SYT1: variants seen among roughly 807,000 people sequenced by gnomAD.
The protein encoded by SYT1 is synaptotagmin-1.
A neutral mutation model predicts 44.8 loss-of-function variants in SYT1; 8 were observed. The ratio of observed to expected loss-of-function variants is 0.18; its 90% CI spans 0.10 to 0.32. SYT1 has a LOEUF of 0.32. SYT1 is among the 10% of genes least tolerant of loss of function. SYT1 has a pLI of 1.00. For synonymous variants in SYT1, 154 were observed against 188.8 expected, an observed-to-expected ratio of 0.82 and a Z score of 1.51; for missense variants, 286 against 509.3, an observed-to-expected ratio of 0.56 and a Z score of 4.22.
chr12:79,191,100 A>AATATAT (rs35534550), intron 3 of SYT1, among the ~76,000 whole-genome samples: 8 of 149,800 alleles, frequency 5.3e-5, no homozygotes, highest in African/African-American at 9.8e-5. Flanking sequence ...CATAAATATA[A>AATATAT]ATATATATAT....
At position 79,391,669 on chromosome 12, in the gene SYT1, G is replaced by T. The variant is rs180910892; in HGVS notation, c.928+38050G>T. 1.7e-3 allele frequency among the ~76,000 whole-genome samples: 257 copies of T among 152,254 alleles called. No homozygotes were observed. In the Middle Eastern group the frequency reaches 0.017, roughly 10 times the overall value. On this transcript the variant is annotated intron_variant, in intron 9 of 10. Coordinates refer to ENST00000261205, the MANE Select transcript of SYT1 (RefSeq NM_005639.3). ...ATTATCTTTTGTAATCATTGAAATA[G>T]AATTTTTAGTTGATTCCCGCCCCCC...
At chr12:79,061,268 C>T (rs76538694) in intron 3 of SYT1, among the ~76,000 whole-genome samples, 4,357 of 151,990 alleles carry the variant, frequency 0.029, 194 homozygotes, top group African/African-American at 0.098. Context: ...TCCTTATGTG[C>T]TAACCAATAA....
intron 4 of SYT1, among the ~76,000 whole-genome samples, chr12:79,249,088 CTTTTTTTTTTTTT>C (rs58983623): frequency 5.6e-5 from 4 of 71,816 alleles, no homozygotes; most frequent in Non-Finnish European, 7.2e-5. Flanking sequence ...TTACCTCTTT[CTTTTTTTTTTTTT>C]TTTTTTTTTT....
At chr12:79,304,584 T>C (rs569426063) in intron 8 of SYT1, among the ~76,000 whole-genome samples, 2 of 152,318 alleles carry the variant, frequency 1.3e-5, no homozygotes, top group South Asian at 4.1e-4. Flanking sequence ...TTTTTCATCC[T>C]GTTTCCATAA....
At chr12:79,100,158 G>A (rs1013815661) in intron 3 of SYT1, among the ~76,000 whole-genome samples, 7 of 152,038 alleles carry the variant, frequency 4.6e-5, no homozygotes, top group Non-Finnish European at 8.8e-5. Flanking sequence ...GTTTTAAGGA[G>A]GAGTTCGTTA....
At chr12:78,960,511 T>C (rs1188036707) in intron 1 of SYT1, 1 of 152,208 alleles carries the variant, frequency 6.6e-6, no homozygotes, top group African/African-American at 2.4e-5. Context: ...TTAGCATGAA[T>C]GAAACCATTT....
intron 1 of SYT1, among the ~76,000 whole-genome samples, chr12:78,895,125 T>A (rs1875287183): frequency 6.6e-6 from 1 of 151,572 alleles, no homozygotes; most frequent in South Asian, 2.1e-4. Flanking sequence ...TCCGTTGAGG[T>A]TTTCCATACC....
At chr12:78,887,787 A>G (rs993047866) in intron 1 of SYT1, among the ~76,000 whole-genome samples, 28 of 152,130 alleles carry the variant, frequency 1.8e-4, no homozygotes, top group African/African-American at 6.7e-4. Flanking sequence ...AGGTGATGAC[A>G]TACTAAAATA....
chr12:79,429,424 G>A (rs1374479204), intron 9 of SYT1, among the ~76,000 whole-genome samples: 1 of 151,930 alleles, frequency 6.6e-6, no homozygotes, highest in Admixed American at 6.6e-5. Context: ...GACCAGGCTG[G>A]TCTTGAACTT....
At chr12:79,017,411 GAC>G (rs796856326) in intron 2 of SYT1, among the ~76,000 whole-genome samples, 1 of 152,192 alleles carries the variant, frequency 6.6e-6, no homozygotes, top group African/African-American at 2.4e-5. Context: ...CTCTAATTGA[GAC>G]ACATAGATCA....
chr12:78,999,357 T>A (rs964987039), intron 2 of SYT1, among the ~76,000 whole-genome samples: 4 of 152,212 alleles, frequency 2.6e-5, no homozygotes, highest in Non-Finnish European at 4.4e-5. Flanking sequence ...TTCTGAGGGT[T>A]ATTTTTAAAG....
chr12:79,434,828 C>T (rs1234846811), intron 9 of SYT1, among the ~76,000 whole-genome samples: 1 of 152,014 alleles, frequency 6.6e-6, no homozygotes, highest in Non-Finnish European at 1.5e-5. Flanking sequence ...TGCCGCCCAC[C>T]TTCCATCCTG....
chr12:79,374,731 T>G (rs1453560746), intron 9 of SYT1, among the ~76,000 whole-genome samples: 1 of 152,160 alleles, frequency 6.6e-6, no homozygotes, highest in East Asian at 1.9e-4. Context: ...GAATCACATA[T>G]TCAGCAAATA....
intron 4 of SYT1, among the ~76,000 whole-genome samples, chr12:79,222,170 T>C (rs1875202480): frequency 6.6e-6 from 1 of 152,120 alleles, no homozygotes; most frequent in African/African-American, 2.4e-5. Context: ...CTGGATGTAT[T>C]GGAACTTCCT....
chr12:79,318,269 G>A (rs1032391391), intron 8 of SYT1, among the ~76,000 whole-genome samples: 11 of 152,078 alleles, frequency 7.2e-5, no homozygotes, highest in Non-Finnish European at 1.2e-4. Flanking sequence ...AATAGTCACC[G>A]GGTGACCCGT....
intron 8 of SYT1, among the ~76,000 whole-genome samples, chr12:79,340,309 G>A (rs1164676186): frequency 6.6e-6 from 1 of 152,112 alleles, no homozygotes; most frequent in Non-Finnish European, 1.5e-5. Context: ...TGAACATGGA[G>A]TGTTCTTCCA....
At chr12:78,942,590 T>G (rs1878436126) in intron 1 of SYT1, among the ~76,000 whole-genome samples, 2 of 152,232 alleles carry the variant, frequency 1.3e-5, no homozygotes, top group Admixed American at 1.3e-4. Flanking sequence ...TGAAAGCATT[T>G]ACTTTCTTGC....
chr12:79,367,275 G>C (rs560029993), intron 9 of SYT1, among the ~76,000 whole-genome samples: 29 of 152,064 alleles, frequency 1.9e-4, no homozygotes, highest in Non-Finnish European at 8.8e-5. Context: ...GTTAATGCCT[G>C]GTTGCTGGAC....
chr12:79,246,598 A>G (rs1006925145), intron 4 of SYT1, among the ~76,000 whole-genome samples: 3 of 152,170 alleles, frequency 2.0e-5, no homozygotes, highest in Non-Finnish European at 4.4e-5. Flanking sequence ...CTGTCTCCTC[A>G]CACGGTGGCA....
Sources: gnomAD v4.1 joint callset for allele counts (sites outside exome capture counted in the v4.1 genomes callset) on GRCh38, gnomAD v4.1.1 for gene constraint, MANE v1.5 for transcripts, NCBI Gene and HGNC (gene_info 2026-07-23, HGNC 2026-07-21) for gene names.